Variants in SSBP3 observed in about 807,000 individuals in gnomAD.
SSBP3 encodes the protein single stranded DNA binding protein 3, also known as single-stranded DNA-binding protein 3.
In SSBP3, 5 loss-of-function variants were observed where a neutral mutation model predicts 69.6. The ratio of observed to expected loss-of-function variants is 0.07; its 90% CI spans 0.04 to 0.15. The LOEUF is 0.15. SSBP3 is among the 10% of genes least tolerant of loss of function. The probability of loss-of-function intolerance (pLI) is 1.00; values close to 1 mark genes in which losing one functional copy is unlikely to be tolerated. For synonymous variants in SSBP3, 196 were observed against 193.4 expected (o/e 1.01, Z -0.11); for missense variants, 312 against 534.0 (o/e 0.58, Z 4.10).
chr1:54,349,596 G>A (rs1315700156), intron 4 of SSBP3, among the ~76,000 whole-genome samples: 1 of 152,108 alleles, frequency 6.6e-6, no homozygotes, highest in Non-Finnish European at 1.5e-5. Context: ...CCTTGAAAAG[G>A]CATGTTGGCT....
At chr1:54,408,838 C>G (rs990665242), upstream of SSBP3, among the ~76,000 whole-genome samples, 1 of 152,204 alleles carries the variant, frequency 6.6e-6, no homozygotes, top group Non-Finnish European at 1.5e-5. Context: ...GCCAGGCACT[C>G]TGTGGTCAGC....
At chr1:54,278,874 G>T (rs578006426) in intron 5 of SSBP3, among the ~76,000 whole-genome samples, 4 of 152,346 alleles carry the variant, frequency 2.6e-5, no homozygotes, top group Admixed American at 2.0e-4. Flanking sequence ...CAGAGTGGCC[G>T]GCTGCAATAC....
intron 4 of SSBP3, among the ~76,000 whole-genome samples, chr1:54,349,643 T>C (rs979457692): frequency 1.3e-5 from 2 of 152,098 alleles, no homozygotes; most frequent in African/African-American, 4.8e-5. Flanking sequence ...CCATGCCACC[T>C]TAGTTTCGCT....
At chr1:54,377,314 C>A (rs762155718) in intron 4 of SSBP3, among the ~76,000 whole-genome samples, 1 of 151,844 alleles carries the variant, frequency 6.6e-6, no homozygotes, top group Non-Finnish European at 1.5e-5. Flanking sequence ...AAGGTTACTC[C>A]GTAAACCCGA....
intron 4 of SSBP3, among the ~76,000 whole-genome samples, chr1:54,344,244 G>A (rs1284247235): frequency 6.6e-6 from 1 of 152,134 alleles, no homozygotes; most frequent in Non-Finnish European, 1.5e-5. Flanking sequence ...GGAATTACCA[G>A]AGTTTTGTTT....
intron 4 of SSBP3, among the ~76,000 whole-genome samples, chr1:54,382,606 A>AT (rs1557581280): frequency 6.6e-6 from 1 of 152,208 alleles, no homozygotes; most frequent in Non-Finnish European, 1.5e-5. Flanking sequence ...AACTGATACT[A>AT]TTAGGACAAT....
chr1:54,292,751 T>C (rs1028814624), intron 4 of SSBP3, among the ~76,000 whole-genome samples: 4 of 151,960 alleles, frequency 2.6e-5, no homozygotes, highest in African/African-American at 9.7e-5. Flanking sequence ...CACCAGGACA[T>C]GAATTCCGTG....
rs993470331 is a variant in SSBP3 at position 54,258,745 on chromosome 1, G to A, written c.367-596C>T. ...AAACAACAGAGGCAAGAGGAGCAAG[G>A]GGCACCACAGATGTAACACACAGGG... is the stretch of plus-strand genomic sequence containing the variant. On this transcript the variant is annotated intron_variant, in intron 5 of 17. Coordinates refer to ENST00000610401, the Ensembl canonical transcript of SSBP3. This position sits in a 1 kb window ranked among gnomAD's most constrained non-coding sequence, Gnocchi z 4.5. 3.3e-5 allele frequency among the ~76,000 whole-genome samples: 5 copies of A among 152,138 alleles called. No homozygotes were observed. The highest frequency in any genetic ancestry group is 7.2e-5 in the African/African-American group (3 of 41,418).
At chr1:54,357,269 G>A (rs569492134) in intron 4 of SSBP3, among the ~76,000 whole-genome samples, 5 of 152,208 alleles carry the variant, frequency 3.3e-5, no homozygotes, top group East Asian at 1.9e-4. Context: ...TAACACAGTG[G>A]CCCAGGGTGG....
At chr1:54,337,485 CTTTTTTTTTTTTTTT>C (rs869039822) in intron 4 of SSBP3, among the ~76,000 whole-genome samples, 3 of 51,132 alleles carry the variant, frequency 5.9e-5, no homozygotes, top group Non-Finnish European at 6.5e-5. Context: ...TTTCCTCAAG[CTTTTTTTTTTTTTTT>C]TTTTTTTTTT....
At chr1:54,268,123 C>T (rs1371024395) in intron 5 of SSBP3, among the ~76,000 whole-genome samples, 3 of 152,244 alleles carry the variant, frequency 2.0e-5, no homozygotes, top group Non-Finnish European at 2.9e-5. Context: ...CTGACCTCTA[C>T]TGGTGCAGGA....
chr1:54,247,305 G>A (rs983346547), intron 9 of SSBP3, among the ~76,000 whole-genome samples: 4 of 152,232 alleles, frequency 2.6e-5, no homozygotes, highest in East Asian at 1.9e-4. Flanking sequence ...ACACAGTGCT[G>A]TATTTCCCTT....
intron 14 of SSBP3, chr1:54,238,198 C>T (rs151015627): frequency 1.2e-4 from 57 of 471,070 alleles, no homozygotes; most frequent in Admixed American, 3.8e-4. Flanking sequence ...GGGCAGCCCG[C>T]GCTCGGGGTT....
upstream of SSBP3, among the ~76,000 whole-genome samples, chr1:54,410,589 G>A (rs771446359): frequency 6.6e-6 from 1 of 152,170 alleles, no homozygotes; most frequent in South Asian, 2.1e-4. Context: ...AAAACCTTCG[G>A]GCCGGTCAGC....
chr1:54,375,911 T>G (rs147452768), intron 4 of SSBP3, among the ~76,000 whole-genome samples: 64 of 151,188 alleles, frequency 4.2e-4, no homozygotes, highest in African/African-American at 1.4e-3. Flanking sequence ...CACAAGGTGG[T>G]GCTGACCAGG....
At chr1:54,378,863 C>T (rs569645379) in intron 4 of SSBP3, among the ~76,000 whole-genome samples, 3 of 152,300 alleles carry the variant, frequency 2.0e-5, no homozygotes, top group South Asian at 2.1e-4. Flanking sequence ...TATCCTCCTC[C>T]GAGGAAGGAA....
At chr1:54,233,621 G>A (rs1366844670) in intron 14 of SSBP3, among the ~76,000 whole-genome samples, 7 of 147,064 alleles carry the variant, frequency 4.8e-5, no homozygotes, top group East Asian at 2.1e-4. Flanking sequence ...CAGCCGCCCC[G>A]TCCGGGAGGT....
intron 5 of SSBP3, among the ~76,000 whole-genome samples, chr1:54,274,365 C>G (rs1397088249): frequency 6.8e-6 from 1 of 146,740 alleles, no homozygotes; most frequent in Non-Finnish European, 1.5e-5. Context: ...GCTTTTCTGA[C>G]TTGGAGAGTG....
chr1:54,280,498 A>G (rs919535147), intron 5 of SSBP3, among the ~76,000 whole-genome samples: 1 of 152,134 alleles, frequency 6.6e-6, no homozygotes, highest in African/African-American at 2.4e-5. Context: ...AGCTCTTTCC[A>G]TGTTCTTATC....
Sources: allele counts gnomAD v4.1 joint callset (sites outside exome capture counted in the v4.1 genomes callset), GRCh38; gene constraint gnomAD v4.1.1; non-coding constraint Gnocchi (gnomAD v3.1); transcripts MANE v1.5; gene names NCBI Gene and HGNC (gene_info 2026-07-23, HGNC 2026-07-21).